DIAPH3: variants seen among roughly 807,000 people sequenced by gnomAD.
DIAPH3 encodes the protein protein diaphanous homolog 3.
Under a neutral mutation model 144.3 loss-of-function variants are expected in DIAPH3, and 117 were observed. The ratio of observed to expected loss-of-function variants is 0.81; its 90% confidence interval spans 0.70 to 0.95. The LOEUF (loss-of-function observed/expected upper bound fraction) is 0.95, where lower values mean the gene tolerates loss of function less well. DIAPH3 is among the 40% of genes least tolerant of loss of function. DIAPH3 has a pLI of 0.00. For synonymous variants in DIAPH3, 519 were observed against 488.9 expected (o/e 1.06, Z -0.81); for missense variants, 1,421 against 1,412.7 (o/e 1.01, Z -0.09).
intron 27 of DIAPH3, among the ~76,000 whole-genome samples, chr13:59,757,679 C>T (rs567200638): frequency 2.0e-5 from 3 of 152,026 alleles, no homozygotes; most frequent in Non-Finnish European, 2.9e-5. Context: ...GGATTACAGG[C>T]GTGAGCCACC....
intron 27 of DIAPH3, among the ~76,000 whole-genome samples, chr13:59,773,409 C>A (rs1029768814): frequency 6.6e-6 from 1 of 152,110 alleles, no homozygotes; most frequent in African/African-American, 2.4e-5. Flanking sequence ...AAAACTCATA[C>A]AAAATCTGTC....
At chr13:60,014,033 T>C (rs1348054365) in intron 7 of DIAPH3, among the ~76,000 whole-genome samples, 1 of 152,144 alleles carries the variant, frequency 6.6e-6, no homozygotes, top group Non-Finnish European at 1.5e-5. Flanking sequence ...GTATATTAAT[T>C]AGAAAATAAA....
chr13:60,076,107 T>A (rs1053193370), intron 4 of DIAPH3, among the ~76,000 whole-genome samples: 2 of 152,160 alleles, frequency 1.3e-5, no homozygotes, highest in African/African-American at 4.8e-5. Context: ...CAACCATAAG[T>A]CTAATCCTTT....
At chr13:59,890,727 C>G (rs1256588708) in intron 20 of DIAPH3, among the ~76,000 whole-genome samples, 1 of 151,868 alleles carries the variant, frequency 6.6e-6, no homozygotes, top group Non-Finnish European at 1.5e-5. Context: ...GTGCTCTCCA[C>G]AAGTTTTTCC....
intron 24 of DIAPH3, among the ~76,000 whole-genome samples, chr13:59,827,914 C>G (rs1396566034): frequency 6.6e-6 from 1 of 151,944 alleles, no homozygotes; most frequent in Non-Finnish European, 1.5e-5. Context: ...CAAGATCCAA[C>G]AAAAATTCCA....
chr13:59,672,748 T>C (rs2032446567), intron 27 of DIAPH3, among the ~76,000 whole-genome samples: 1 of 152,218 alleles, frequency 6.6e-6, no homozygotes, highest in Non-Finnish European at 1.5e-5. Flanking sequence ...TTATCTTATG[T>C]ATTGAAAATA....
At chr13:59,964,142 C>T (rs957172361) in intron 17 of DIAPH3, among the ~76,000 whole-genome samples, 5 of 152,032 alleles carry the variant, frequency 3.3e-5, no homozygotes, top group African/African-American at 9.7e-5. Flanking sequence ...TGAAATGTAA[C>T]AACTTTATAA....
At chr13:59,721,778 C>G (rs1167681147) in intron 27 of DIAPH3, among the ~76,000 whole-genome samples, 3 of 152,104 alleles carry the variant, frequency 2.0e-5, no homozygotes, top group Non-Finnish European at 4.4e-5. Flanking sequence ...GAGTTTGTCC[C>G]ATTTGGCACC....
intron 17 of DIAPH3, among the ~76,000 whole-genome samples, chr13:59,946,524 A>G (rs1304355506): frequency 6.6e-6 from 1 of 152,190 alleles, no homozygotes; most frequent in Non-Finnish European, 1.5e-5. Flanking sequence ...ATAAATTTTA[A>G]AAGTTCCTAA....
chr13:59,839,513 C>A, intron 22 of DIAPH3, 65 bp from the exon 23 acceptor site: 1 of 1,470,872 alleles, frequency 6.8e-7, no homozygotes, highest in South Asian at 1.3e-5. Context: ...GTAAGACACC[C>A]TAGAAACAAA....
intron 9 of DIAPH3, among the ~76,000 whole-genome samples, chr13:59,999,822 G>T (rs556816970): frequency 6.6e-6 from 1 of 152,016 alleles, no homozygotes; most frequent in Non-Finnish European, 1.5e-5. Context: ...CTCCTCCAGG[G>T]TCTCTCACAG....
chr13:60,141,961 G>A (rs1298376795), intron 1 of DIAPH3, among the ~76,000 whole-genome samples: 2 of 152,148 alleles, frequency 1.3e-5, no homozygotes, highest in Non-Finnish European at 2.9e-5. Flanking sequence ...ATGGGCAGGG[G>A]AGTGTTTGCA....
intron 22 of DIAPH3, among the ~76,000 whole-genome samples, chr13:59,841,723 A>G (rs1313660189): frequency 6.6e-6 from 1 of 152,222 alleles, no homozygotes; most frequent in African/African-American, 2.4e-5. Flanking sequence ...AGTAGCAGTG[A>G]CAATAAAAAT....
intron 27 of DIAPH3, among the ~76,000 whole-genome samples, chr13:59,679,222 CAA>C (rs1378767420): frequency 2.6e-5 from 4 of 152,084 alleles, no homozygotes; most frequent in Admixed American, 1.3e-4. Flanking sequence ...AATAAAACAC[CAA>C]AGTTTGATTC....
At chr13:59,852,286 G>A (rs542204014) in intron 22 of DIAPH3, among the ~76,000 whole-genome samples, 10 of 152,224 alleles carry the variant, frequency 6.6e-5, no homozygotes, top group East Asian at 1.9e-4. Flanking sequence ...TCCTATGAGC[G>A]TGAATAAATA....
chr13:59,835,841 A>G (rs1281088501), intron 23 of DIAPH3, among the ~76,000 whole-genome samples: 1 of 151,806 alleles, frequency 6.6e-6, no homozygotes, highest in South Asian at 2.1e-4. Flanking sequence ...CTTTATCTGA[A>G]AAATGCTGTA....
intron 27 of DIAPH3, among the ~76,000 whole-genome samples, chr13:59,723,605 T>G (rs987226565): frequency 6.6e-6 from 1 of 151,880 alleles, no homozygotes; most frequent in Non-Finnish European, 1.5e-5. Context: ...TCGAAAATGA[T>G]GGTCTTTTTT....
chr13:59,883,245 T>A (rs1175101040), intron 20 of DIAPH3, among the ~76,000 whole-genome samples: 1 of 152,100 alleles, frequency 6.6e-6, no homozygotes, highest in Non-Finnish European at 1.5e-5. Flanking sequence ...TCTCTCAAAA[T>A]CTCATTATGG....
chr13:59,810,211 G>A (rs2040400481), intron 25 of DIAPH3, among the ~76,000 whole-genome samples: 1 of 151,962 alleles, frequency 6.6e-6, no homozygotes, highest in African/African-American at 2.4e-5. Flanking sequence ...CCAGGCTGGA[G>A]TGCAGTGTCA....
Sources: allele counts gnomAD v4.1 joint callset (sites outside exome capture counted in the v4.1 genomes callset), GRCh38; gene constraint gnomAD v4.1.1; transcripts MANE v1.5; gene names NCBI Gene and HGNC (gene_info 2026-07-23, HGNC 2026-07-21).